The following PPA2 variants were observed in gnomAD, a reference collection of about 807,000 sequenced individuals.
PPA2 encodes inorganic pyrophosphatase 2, also known as inorganic pyrophosphatase 2, mitochondrial.
A neutral mutation model predicts 49.5 loss-of-function variants in PPA2; 48 were observed. The ratio of observed to expected loss-of-function variants is 0.97; its 90% confidence interval spans 0.77 to 1.23. The LOEUF (loss-of-function observed/expected upper bound fraction) is 1.23. Among genes scored for constraint, PPA2 ranks in the 50% most tolerant of loss-of-function variants. PPA2 has a pLI of 0.00. For synonymous variants in PPA2, 131 were observed against 139.9 expected, an observed-to-expected ratio of 0.94 and a Z score of 0.45; for missense variants, 429 against 410.1, an observed-to-expected ratio of 1.05 and a Z score of -0.40.
At chr4:105,412,990 C>T (rs1317686031) in intron 7 of PPA2, among the ~76,000 whole-genome samples, 1 of 152,114 alleles carries the variant, frequency 6.6e-6, no homozygotes. Flanking sequence ...TGGGTATATA[C>T]CCAAAGGATT....
intron 10 of PPA2, among the ~76,000 whole-genome samples, chr4:105,384,422 T>C (rs1380834025): frequency 2.0e-5 from 3 of 152,072 alleles, no homozygotes; most frequent in African/African-American, 4.8e-5. Flanking sequence ...TATTTTTTTG[T>C]TTTGCCACTA....
intron 2 of PPA2, chr4:105,453,946 G>A: frequency 4.2e-6 from 1 of 237,502 alleles, no homozygotes; most frequent in Non-Finnish European, 8.1e-6. Flanking sequence ...AAGACTGGTA[G>A]TTTCCAGTGA....
chr4:105,425,034 C>T (rs1227848452), intron 6 of PPA2, among the ~76,000 whole-genome samples: 2 of 152,208 alleles, frequency 1.3e-5, no homozygotes, highest in African/African-American at 2.4e-5. Flanking sequence ...TAGGACTAAA[C>T]TGGCTCTCAA....
chr4:105,449,825 C>T (rs1381925869), intron 3 of PPA2, among the ~76,000 whole-genome samples: 2 of 152,028 alleles, frequency 1.3e-5, no homozygotes, highest in African/African-American at 4.8e-5. Flanking sequence ...GAGGTTGTTA[C>T]AAAGATCAAT....
At chr4:105,471,046 T>C (rs78305635) in intron 1 of PPA2, among the ~76,000 whole-genome samples, 7,643 of 152,296 alleles carry the variant, frequency 0.05, 292 homozygotes, top group African/African-American at 0.098. Context: ...TTTCCAGAAC[T>C]TAAATAGGCA....
chr4:105,390,413 C>G (rs113266492), intron 9 of PPA2, among the ~76,000 whole-genome samples: 5,009 of 151,980 alleles, frequency 0.033, 275 homozygotes, highest in African/African-American at 0.11. Context: ...ATCTACTTAC[C>G]TGACAAAGGT....
At chr4:105,473,778 G>C in intron 1 of PPA2, 116 bp downstream of exon 1, 1 of 1,442,480 alleles carries the variant, frequency 6.9e-7, no homozygotes. Flanking sequence ...GGCTACCGCT[G>C]AGGGCCCCAA....
At chr4:105,376,901 T>C (rs2110362838) in intron 10 of PPA2, among the ~76,000 whole-genome samples, 1 of 152,254 alleles carries the variant, frequency 6.6e-6, no homozygotes, top group Non-Finnish European at 1.5e-5. Context: ...CAGTACCAAG[T>C]ATTAGAGAAC....
intron 9 of PPA2, among the ~76,000 whole-genome samples, chr4:105,392,622 G>A (rs572875908): frequency 1.5e-4 from 23 of 151,322 alleles, no homozygotes; most frequent in African/African-American, 2.2e-4. Flanking sequence ...GCAGTGAGCC[G>A]AGATTGCATC....
At chr4:105,438,296 C>T (rs1219208513) in intron 5 of PPA2, among the ~76,000 whole-genome samples, 1 of 152,200 alleles carries the variant, frequency 6.6e-6, no homozygotes, top group African/African-American at 2.4e-5. Flanking sequence ...ACATACTCAT[C>T]TTCCAAGTTC....
intron 1 of PPA2, among the ~76,000 whole-genome samples, chr4:105,458,027 T>C (rs867062458): frequency 2.6e-5 from 4 of 152,106 alleles, no homozygotes; most frequent in Non-Finnish European, 4.4e-5. Flanking sequence ...ACTGGAGGTA[T>C]GGTAAAGGGA....
intron 3 of PPA2, among the ~76,000 whole-genome samples, chr4:105,451,528 T>C (rs900186465): frequency 1.3e-5 from 2 of 152,206 alleles, no homozygotes; most frequent in African/African-American, 4.8e-5. Flanking sequence ...GAGGTACCCC[T>C]GCACCTGTTT....
chr4:105,421,920 G>A (rs1485475368), intron 7 of PPA2, among the ~76,000 whole-genome samples: 2 of 151,996 alleles, frequency 1.3e-5, no homozygotes, highest in East Asian at 1.9e-4. Flanking sequence ...GCGCGCGCCT[G>A]TACTCCCAAC....
At position 105,396,328 on chromosome 4, in the gene PPA2, CA is replaced by C. The variant is rs1184192319; in HGVS notation, c.789del (p.Phe263LeufsTer18). 3.1e-6 allele frequency: 5 copies of C among 1,587,594 alleles called. No individual in the cohort carries two copies. In the African/African-American group the frequency reaches 6.7e-5, roughly 21 times the overall value. On this transcript the variant is annotated frameshift_variant, in exon 9 of 12. Coordinates refer to ENST00000341695, the MANE Select transcript of PPA2 (RefSeq NM_176869.3). LOFTEE classifies it high-confidence loss of function. The stretch of plus-strand genomic sequence containing the variant: ...TGAGTGGATTTAATAACTTCAAGAG[CA>C]AAAGCCTAGCTCCAAACAAACAAAT... ...AFNGEFKNKA[F>X]ALEVIKSTHQ... is the part of the protein sequence containing the mutation.
At chr4:105,375,939 C>A (rs185677671) in intron 10 of PPA2, among the ~76,000 whole-genome samples, 2 of 152,276 alleles carry the variant, frequency 1.3e-5, no homozygotes, top group East Asian at 3.9e-4. Context: ...TATTAAAATG[C>A]AGAACCTCTA....
chr4:105,424,041 C>T (rs1723375763), intron 7 of PPA2, among the ~76,000 whole-genome samples, 155 bp downstream of exon 7: 1 of 152,062 alleles, frequency 6.6e-6, no homozygotes, highest in South Asian at 2.1e-4. Context: ...GTAGAATGTA[C>T]TTTCTTCATT....
intron 1 of PPA2, among the ~76,000 whole-genome samples, chr4:105,462,406 C>T (rs1445690601): frequency 1.3e-5 from 2 of 152,176 alleles, no homozygotes; most frequent in African/African-American, 4.8e-5. Flanking sequence ...CAAAGCAATG[C>T]AGGTCCATGA....
chr4:105,396,852 G>A (rs892212615), intron 8 of PPA2, among the ~76,000 whole-genome samples: 2 of 152,116 alleles, frequency 1.3e-5, no homozygotes, highest in Admixed American at 6.5e-5. Flanking sequence ...CCCAGTACCC[G>A]GCTTGTCAGT....
chr4:105,424,337 G>A lies in PPA2; in HGVS notation c.529-15C>T. The A allele has an allele frequency of 6.3e-7, 1 of 1,576,140 alleles. No homozygotes were observed. The highest frequency in any genetic ancestry group is 1.2e-5 in the South Asian group (1 of 84,806). Reference sequence around the variant, plus strand: ...CAAGAAAGAATCTTTAAAGAAAAAAGAAATTCACTATTTGCAAGGCTTTGG... The same window carrying A: ...CAAGAAAGAATCTTTAAAGAAAAAAAAAATTCACTATTTGCAAGGCTTTGG... On this transcript the variant is annotated splice_polypyrimidine_tract_variant and intron_variant, in intron 6 of 11. Coordinates refer to ENST00000341695, the MANE Select transcript of PPA2 (RefSeq NM_176869.3).
Sources: gnomAD v4.1 joint callset for allele counts (sites outside exome capture counted in the v4.1 genomes callset) on GRCh38, gnomAD v4.1.1 for gene constraint, MANE v1.5 for transcripts, NCBI Gene and HGNC (gene_info 2026-07-23, HGNC 2026-07-21) for gene names.